CRY1: variants seen among roughly 807,000 people sequenced by gnomAD.
CRY1 encodes the protein cryptochrome-1.
CRY1 carries 45 observed loss-of-function variants against 76.0 expected under a neutral mutation model. The observed-to-expected ratio is 0.59, with a 90% CI of 0.47 to 0.76. The LOEUF (loss-of-function observed/expected upper bound fraction) is 0.76. Among genes scored for constraint, CRY1 ranks in the 30% least tolerant of loss-of-function variants. CRY1 has a pLI of 0.00. For synonymous variants in CRY1, 248 were observed against 244.0 expected, an observed-to-expected ratio of 1.02 and a Z score of -0.15; for missense variants, 587 against 716.4, an observed-to-expected ratio of 0.82 and a Z score of 2.06.
chr12:107,027,477 A>G (rs7312481), intron 1 of CRY1, among the ~76,000 whole-genome samples: 4,357 of 152,260 alleles, frequency 0.029, 95 homozygotes, highest in Middle Eastern at 0.058. Context: ...AGTAAAACTC[A>G]CTATATCCCT....
At position 107,062,796 on chromosome 12, in the gene CRY1, T is replaced by C. The variant is rs1439391322; in HGVS notation, c.158+30008A>G. On this transcript the variant is annotated intron_variant, in intron 1 of 12. Coordinates refer to ENST00000008527, the MANE Select transcript of CRY1 (RefSeq NM_004075.5). ...AACGTCATACGATAAAAGAATATTG[T>C]CAAATAGCTTATTCTGCCTCTTCTT... Among the ~76,000 whole-genome samples, 5 of 152,226 alleles carry C rather than the reference T, an allele frequency of 3.3e-5. No homozygotes were observed. The East Asian group carries it at 9.6e-4, about 29-fold the overall frequency.
intron 1 of CRY1, among the ~76,000 whole-genome samples, chr12:107,053,607 G>A (rs892873737): frequency 2.0e-5 from 3 of 152,042 alleles, no homozygotes; most frequent in African/African-American, 4.8e-5. Context: ...CATAAGCCAC[G>A]GTGGCCGGCT....
intron 1 of CRY1, among the ~76,000 whole-genome samples, chr12:107,079,209 T>C (rs1307779725): frequency 6.6e-6 from 1 of 152,098 alleles, no homozygotes; most frequent in African/African-American, 2.4e-5. Context: ...GCTAAGACAA[T>C]CATAAACTCA....
intron 1 of CRY1, among the ~76,000 whole-genome samples, chr12:107,070,225 G>C (rs1214714766): frequency 6.6e-6 from 1 of 152,102 alleles, no homozygotes. Flanking sequence ...GAAGTAAACA[G>C]GTAGCTATCA....
chr12:107,037,559 G>A (rs1316572819), intron 1 of CRY1, among the ~76,000 whole-genome samples: 1 of 152,018 alleles, frequency 6.6e-6, no homozygotes, highest in Non-Finnish European at 1.5e-5. Flanking sequence ...TGATGTTCAG[G>A]TTCTACTGGG....
chr12:106,993,534 A>C (rs866842344), intron 10 of CRY1, among the ~76,000 whole-genome samples: 7 of 151,862 alleles, frequency 4.6e-5, no homozygotes, highest in Non-Finnish European at 8.8e-5. Flanking sequence ...CCTTCTAAAA[A>C]CAAACACTAT....
chr12:107,054,685 T>C (rs1952963686), intron 1 of CRY1, among the ~76,000 whole-genome samples: 1 of 148,868 alleles, frequency 6.7e-6, no homozygotes, highest in African/African-American at 2.5e-5. Context: ...AAGTTGACTA[T>C]AAACATACCA....
At chr12:107,024,855 C>T (rs368210011) in intron 1 of CRY1, among the ~76,000 whole-genome samples, 12 of 152,234 alleles carry the variant, frequency 7.9e-5, no homozygotes, top group African/African-American at 2.9e-4. Context: ...TAACTTACAT[C>T]TCTCATTTCA....
At chr12:107,034,498 G>A (rs1183314021) in intron 1 of CRY1, among the ~76,000 whole-genome samples, 1 of 152,050 alleles carries the variant, frequency 6.6e-6, no homozygotes, top group African/African-American at 2.4e-5. Flanking sequence ...TTTACTCTGT[G>A]GACTTGCTCC....
chr12:107,076,838 T>G (rs987451640), intron 1 of CRY1, among the ~76,000 whole-genome samples: 1 of 151,788 alleles, frequency 6.6e-6, no homozygotes, highest in Non-Finnish European at 1.5e-5. Context: ...CAATGGCGAG[T>G]TCTCATGAAA....
chr12:107,022,977 C>CT (rs1952574812), intron 1 of CRY1, among the ~76,000 whole-genome samples: 1 of 152,064 alleles, frequency 6.6e-6, no homozygotes, highest in African/African-American at 2.4e-5. Flanking sequence ...CAGAAGACTG[C>CT]TTACTGTGCA....
chr12:107,002,196 C>A (rs888902753), intron 3 of CRY1, among the ~76,000 whole-genome samples: 1 of 151,934 alleles, frequency 6.6e-6, no homozygotes, highest in African/African-American at 2.4e-5. Flanking sequence ...AAATATTAAA[C>A]CTTTAAGACA....
chr12:107,030,978 T>C (rs767955816), intron 1 of CRY1, among the ~76,000 whole-genome samples: 3 of 152,148 alleles, frequency 2.0e-5, no homozygotes, highest in Non-Finnish European at 4.4e-5. Flanking sequence ...CTATACTAAG[T>C]TGTATATTCT....
At chr12:107,010,968 T>C (rs10746072) in intron 2 of CRY1, among the ~76,000 whole-genome samples, 76,756 of 152,004 alleles carry the variant, frequency 0.5, 20,312 homozygotes, top group East Asian at 0.72. Context: ...GGTCTCTAAG[T>C]GTTCAAGTGA....
chr12:107,048,904 G>T (rs1952881766), intron 1 of CRY1, among the ~76,000 whole-genome samples: 1 of 151,890 alleles, frequency 6.6e-6, no homozygotes, highest in East Asian at 1.9e-4. Context: ...TTTCCTCCTG[G>T]TTTCAGTCAT....
chr12:107,076,492 T>A (rs1363095043), intron 1 of CRY1, among the ~76,000 whole-genome samples: 1 of 151,858 alleles, frequency 6.6e-6, no homozygotes, highest in African/African-American at 2.4e-5. Context: ...ACACCTGTAA[T>A]TCCACTAGCT....
intron 1 of CRY1, among the ~76,000 whole-genome samples, chr12:107,065,595 C>T (rs1283148284): frequency 7.1e-6 from 1 of 140,260 alleles, no homozygotes. Flanking sequence ...AACTCTGTTT[C>T]AAAAAAAAAA....
At chr12:107,041,233 A>C (rs1285787244) in intron 1 of CRY1, among the ~76,000 whole-genome samples, 3 of 152,198 alleles carry the variant, frequency 2.0e-5, no homozygotes, top group Admixed American at 2.0e-4. Context: ...ACTCCTTAGA[A>C]TCTCCACCAT....
Position 107,001,349 on chromosome 12 carries a change from T to G in CRY1, c.615A>C (p.Leu205Phe), listed in dbSNP as rs1952308736. ...LEELGFDTDG[L>F]SSAVWPGGET... ...CTCCACCTGGCCACACTGCAGAGGA[T>G]AAGCCATCTGTATCAAAACCTACAA... Residue 205 changes from leucine to phenylalanine, a missense_variant, in exon 5 of 13, where the codon TTA (leucine) becomes TTC (phenylalanine). By Grantham distance (22) the Leu-to-Phe change is conservative. Transcript: ENST00000008527. 1 of 1,612,094 alleles carries G rather than the reference T, an allele frequency of 6.2e-7. No individual in the cohort carries two copies. Among genetic ancestry groups the G allele is most frequent in the African/African-American group, 1.3e-5 (1 of 74,808 alleles).
Sources: allele counts gnomAD v4.1 joint callset (sites outside exome capture counted in the v4.1 genomes callset), GRCh38; gene constraint gnomAD v4.1.1; transcripts MANE v1.5; gene names NCBI Gene and HGNC (gene_info 2026-07-23, HGNC 2026-07-21).